STK38L: variants seen among roughly 807,000 people sequenced by gnomAD.
STK38L encodes serine/threonine-protein kinase 38-like.
Under a neutral mutation model 59.7 loss-of-function variants are expected in STK38L, and 28 were observed. That is an observed-to-expected ratio of 0.47 (90% CI 0.35 to 0.64). STK38L has a LOEUF of 0.64. STK38L is among the 30% of genes least tolerant of loss of function. The probability of loss-of-function intolerance (pLI) is 0.01; values close to 1 mark genes in which losing one functional copy is unlikely to be tolerated. For synonymous variants in STK38L, 162 were observed against 176.8 expected (o/e 0.92, Z 0.66); for missense variants, 314 against 555.8 (o/e 0.56, Z 4.37).
intron 1 of STK38L, among the ~76,000 whole-genome samples, chr12:27,258,512 A>G (rs1283094272): frequency 6.6e-6 from 1 of 150,518 alleles, no homozygotes; most frequent in Admixed American, 6.6e-5. Context: ...TATTTTTAGT[A>G]GAGATGGGGT....
chr12:27,284,653 T>C (rs1249495748), intron 1 of STK38L, among the ~76,000 whole-genome samples: 1 of 152,228 alleles, frequency 6.6e-6, no homozygotes, highest in Non-Finnish European at 1.5e-5. Context: ...CAACCAACTA[T>C]ACAATTTACT....
intron 10 of STK38L, 32 bp from the exon 11 acceptor site, chr12:27,317,864 G>T: frequency 1.2e-6 from 2 of 1,610,934 alleles, no homozygotes; most frequent in Non-Finnish European, 1.7e-6. Flanking sequence ...TCACAAAGCT[G>T]ATGAAACATT....
chr12:27,273,756 A>T (rs892814040), intron 1 of STK38L, among the ~76,000 whole-genome samples: 1 of 152,214 alleles, frequency 6.6e-6, no homozygotes, highest in East Asian at 1.9e-4. Flanking sequence ...AGAATTTTCT[A>T]ATTTCAGAAT....
rs571986610 is a variant in STK38L at position 27,263,687 on chromosome 12, A to G, written c.-12+19355A>G. 1.8e-4 allele frequency among the ~76,000 whole-genome samples: 28 copies of G among 152,274 alleles called. 1 individual carries two copies. In the South Asian group the frequency reaches 5.8e-3, roughly 32 times the overall value. ...CTGGAACTGAAGTTGGTCATTTCTC[A>G]CTGGATCAGTCAACAAGATTTGAGT... is the stretch of plus-strand genomic sequence containing the variant. On this transcript the variant is annotated intron_variant, in intron 1 of 13. Coordinates refer to ENST00000389032, the MANE Select transcript of STK38L (RefSeq NM_015000.4).
intron 1 of STK38L, among the ~76,000 whole-genome samples, chr12:27,297,310 C>G (rs1944049206): frequency 6.6e-6 from 1 of 152,204 alleles, no homozygotes; most frequent in Non-Finnish European, 1.5e-5. Flanking sequence ...TGCATTAACT[C>G]TTAGGAGACT....
intron 3 of STK38L, among the ~76,000 whole-genome samples, chr12:27,304,258 C>CAAAAA (rs34994566): frequency 8.0e-5 from 5 of 62,870 alleles, no homozygotes; most frequent in East Asian, 4.1e-4. Context: ...GAGTCTGTCT[C>CAAAAA]AAAAAAAAAA....
chr12:27,272,024 C>G (rs565152043), intron 1 of STK38L, among the ~76,000 whole-genome samples: 25 of 152,264 alleles, frequency 1.6e-4, no homozygotes, highest in Non-Finnish European at 3.1e-4. Context: ...ATATTTTCCT[C>G]CTGTGAATCT....
chr12:27,252,057 G>T (rs1942986126), intron 1 of STK38L, among the ~76,000 whole-genome samples: 1 of 152,086 alleles, frequency 6.6e-6, no homozygotes, highest in African/African-American at 2.4e-5. Flanking sequence ...TCAGCTCACT[G>T]CAAGCTCTGC....
At chr12:27,265,963 G>C (rs1188161561) in intron 1 of STK38L, among the ~76,000 whole-genome samples, 2 of 152,162 alleles carry the variant, frequency 1.3e-5, no homozygotes, top group Non-Finnish European at 2.9e-5. Flanking sequence ...CCTCTCAAGA[G>C]CCCTCTGAAG....
At chr12:27,257,383 T>C (rs994266478) in intron 1 of STK38L, among the ~76,000 whole-genome samples, 6 of 152,212 alleles carry the variant, frequency 3.9e-5, no homozygotes, top group African/African-American at 1.4e-4. Flanking sequence ...AGGCAAAGTC[T>C]TCCTTGTTAA....
At chr12:27,265,184 G>A (rs1372862881) in intron 1 of STK38L, among the ~76,000 whole-genome samples, 1 of 152,166 alleles carries the variant, frequency 6.6e-6, no homozygotes, top group Non-Finnish European at 1.5e-5. Context: ...ATCATTAATA[G>A]TACTTTAGTA....
intron 11 of STK38L, 24 bp downstream of exon 11, chr12:27,318,043 A>G (rs1221065655): frequency 4.3e-6 from 7 of 1,612,228 alleles, no homozygotes; most frequent in East Asian, 4.5e-5. Context: ...TTCCTAGAGG[A>G]GTTCATAGTG....
chr12:27,258,455 A>G (rs1321844797), intron 1 of STK38L, among the ~76,000 whole-genome samples: 1 of 151,980 alleles, frequency 6.6e-6, no homozygotes, highest in African/African-American at 2.4e-5. Context: ...CAGCCTCCCA[A>G]GTAGCTGGGA....
intron 1 of STK38L, among the ~76,000 whole-genome samples, chr12:27,269,943 A>G (rs1943386647): frequency 6.6e-6 from 1 of 152,158 alleles, no homozygotes; most frequent in Non-Finnish European, 1.5e-5. Context: ...GCACCCGGCC[A>G]ACTTTCAATC....
intron 3 of STK38L, among the ~76,000 whole-genome samples, chr12:27,305,854 C>A (rs924608579): frequency 5.9e-5 from 9 of 152,108 alleles, no homozygotes; most frequent in African/African-American, 1.9e-4. Context: ...GTTAAGCTGT[C>A]CACAGATTTT....
intron 3 of STK38L, among the ~76,000 whole-genome samples, chr12:27,302,873 A>G (rs2085911): frequency 0.32 from 48,355 of 151,310 alleles, 9,018 homozygotes; most frequent in African/African-American, 0.52. Context: ...ATTAGCCAGG[A>G]GCGGTGGCAG....
At chr12:27,285,351 T>C (rs1293814928) in intron 1 of STK38L, among the ~76,000 whole-genome samples, 1 of 152,240 alleles carries the variant, frequency 6.6e-6, no homozygotes, top group Non-Finnish European at 1.5e-5. Context: ...ATGCTTTGAA[T>C]GAATGGGAAA....
chr12:27,314,019 A>G (rs1026404014), intron 6 of STK38L, among the ~76,000 whole-genome samples: 1 of 152,184 alleles, frequency 6.6e-6, no homozygotes, highest in African/African-American at 2.4e-5. Flanking sequence ...AAAACCATTA[A>G]AAGTCATGAA....
chr12:27,272,446 C>G (rs1351206904), intron 1 of STK38L, among the ~76,000 whole-genome samples: 1 of 152,132 alleles, frequency 6.6e-6, no homozygotes, highest in Non-Finnish European at 1.5e-5. Flanking sequence ...CTTTTGATTT[C>G]CCCTCAAGGA....
Sources: allele counts gnomAD v4.1 joint callset (sites outside exome capture counted in the v4.1 genomes callset), GRCh38; gene constraint gnomAD v4.1.1; transcripts MANE v1.5; gene names NCBI Gene and HGNC (gene_info 2026-07-23, HGNC 2026-07-21).